Variants in HUWE1 observed in about 807,000 individuals in gnomAD.
The protein encoded by HUWE1 is HECT, UBA and WWE domain containing E3 ubiquitin protein ligase 1, also known as E3 ubiquitin-protein ligase HUWE1.
In HUWE1, 18 loss-of-function variants were observed where a neutral mutation model predicts 299.4. The observed-to-expected ratio is 0.06, with a 90% confidence interval of 0.04 to 0.09. The LOEUF (loss-of-function observed/expected upper bound fraction) is 0.09. HUWE1 is among the 10% of genes least tolerant of loss of function. The pLI is 1.00. For missense variants in HUWE1, 1,832 were observed against 3,462.3 expected (o/e 0.53, Z 11.82); for synonymous variants, 1,317 against 1,286.1 (o/e 1.02, Z -0.51).
chrX:53,560,513 C>T, intron 55 of HUWE1, 97 bp from the exon 56 acceptor site: 1 of 733,021 alleles, frequency 1.4e-6, no homozygotes, highest in Admixed American at 2.6e-5. Flanking sequence ...CTTCCTCACA[C>T]GGAAACCTGA....
In HUWE1 at chrX:53,536,259, A is replaced by C. The variant is rs782387942; in HGVS notation, c.12426-7T>G. ...ACTCTCCATATCTGTATATCTAGAA[A>C]AACACAATTATACAGGGTCATGGTT... is the stretch of plus-strand genomic sequence containing the variant. On this transcript the variant is annotated splice_region_variant and splice_polypyrimidine_tract_variant and intron_variant, in intron 79 of 83. Coordinates refer to ENST00000262854, the MANE Select transcript of HUWE1 (RefSeq NM_031407.7). The C allele has an allele frequency of 8.6e-7, 1 of 1,162,073 alleles. No homozygotes were observed. The highest frequency in any genetic ancestry group is 1.8e-5 in the African/African-American group (1 of 55,908).
chrX:53,546,438 A>G lies in HUWE1; in HGVS notation c.10913T>C (p.Ile3638Thr), dbSNP rs781790884. The G allele has an allele frequency of 1.7e-6, 2 of 1,208,513 alleles. No individual in the cohort carries two copies. Among genetic ancestry groups the G allele is most frequent in the Non-Finnish European group, 2.2e-6 (2 of 893,304 alleles). The change falls in exon 70 of 84, where the codon ATA becomes ACA. Residue 3638 changes from isoleucine (I) to threonine (T), a missense_variant and splice_region_variant. Ile to Thr is a moderately conservative substitution (Grantham distance 89). Transcript: ENST00000262854. ...AAATGCTTTACTTCTGCTATTACCT[A>G]TTTGTTTACAAAGGGTATAACCCAG... ...RHLGYTLCKQ[I>T]GTLLAELREY...
In HUWE1 at chrX:53,627,483, C is replaced by T. The variant is rs145017919; in HGVS notation, c.1416G>A (p.Pro472=). 1.9e-5 allele frequency: 23 copies of T among 1,200,779 alleles called. No homozygotes were observed. The highest frequency in any genetic ancestry group is 1.8e-4 in the African/African-American group (10 of 56,445). ...TCTGGATCTTTGGCTTGATCACAAA[C>T]GGACATTCTTTTCGGCACAAATCTA... The part of the protein sequence containing the change: ...HEVDLCRKEC[P]FVIKPKIQRP... Residue 472 remains proline, a synonymous_variant, in exon 17 of 84, where the codon CCG becomes CCA. Coordinates refer to ENST00000262854, the MANE Select transcript of HUWE1 (RefSeq NM_031407.7).
Position 53,533,087 on chromosome X carries a change from G to C in HUWE1, c.*222C>G, listed in dbSNP as rs903166492. 5 of 425,699 alleles carry C rather than the reference G, an allele frequency of 1.2e-5. No individual in the cohort carries two copies. In the East Asian group the frequency reaches 2.0e-4, roughly 17 times the overall value. The allele number at this position is 425,699 out of a possible 1,213,427, so 35.1% of individuals were successfully genotyped here. Reference sequence around the variant, plus strand: ...AACACATGGGGTGGGGATCATGGACGGCATGGAAAGGGGAGAGAAGGTGAG... The same window carrying C: ...AACACATGGGGTGGGGATCATGGACCGCATGGAAAGGGGAGAGAAGGTGAG... On this transcript the variant is annotated 3_prime_UTR_variant, in exon 84 of 84. Coordinates refer to ENST00000262854, the MANE Select transcript of HUWE1 (RefSeq NM_031407.7).
chrX:53,569,421 T>C (rs1234960418), intron 48 of HUWE1, among the ~76,000 whole-genome samples, 195 bp downstream of exon 48: 1 of 112,960 alleles, frequency 8.9e-6, no homozygotes, highest in East Asian at 2.8e-4. Flanking sequence ...TTGTTTTCTC[T>C]AGGTTTACCC....
chrX:53,597,169 G>C (rs1556985839), intron 29 of HUWE1, among the ~76,000 whole-genome samples: 1 of 111,325 alleles, frequency 9.0e-6, no homozygotes, highest in African/African-American at 3.3e-5. Flanking sequence ...GATAATTTTA[G>C]AAAGAGATTT....
rs189395270 is a variant in HUWE1, at chrX:53,599,959, A to G, written c.3163+159T>C. Among the ~76,000 whole-genome samples, 697 of 112,260 alleles carry G rather than the reference A, an allele frequency of 6.2e-3. 4 individuals carry two copies. Among genetic ancestry groups the G allele is most frequent in the African/African-American group, 0.021 (662 of 30,863 alleles). ...TCTGTATCCGTAGCAGCTAGTACAAAGCCTGTCACATAGCAGCCACTCAAC... is the reference window on the plus strand; with the variant it reads ...TCTGTATCCGTAGCAGCTAGTACAAGGCCTGTCACATAGCAGCCACTCAAC... On this transcript the variant is annotated intron_variant, in intron 29 of 83. Transcript: ENST00000262854.
intron 55 of HUWE1, among the ~76,000 whole-genome samples, chrX:53,561,061 T>C (rs782252268): frequency 1.8e-3 from 204 of 112,071 alleles, no homozygotes; most frequent in African/African-American, 6.2e-3. Flanking sequence ...AGTTATCTAA[T>C]CCAACCCATT....
Position 53,578,596 on chromosome X carries a change from T to G in HUWE1, c.5717-1529A>C, listed in dbSNP as rs1440627410. On this transcript the variant is annotated intron_variant, in intron 43 of 83. Coordinates refer to ENST00000262854, the MANE Select transcript of HUWE1 (RefSeq NM_031407.7). ...GAGGGGGGAGGGGGGGTCAGCCCCC[T>G]GCCCGGCCAGCCGCCCCGTCCGGGA... 2.6e-4 allele frequency among the ~76,000 whole-genome samples: 11 copies of G among 42,692 alleles called. No individual in the cohort carries two copies. In the South Asian group the frequency reaches 5.0e-3, roughly 19 times the overall value. The allele number at this position is 42,692 out of a possible 115,157, so 37.1% of individuals were successfully genotyped here. A position where few individuals can be genotyped will look rare whatever the true frequency, so the allele number is the denominator to read the frequency against.
intron 37 of HUWE1, 82 bp from the exon 38 acceptor site, chrX:53,586,991 G>T: frequency 1.0e-6 from 1 of 993,863 alleles, no homozygotes; most frequent in Non-Finnish European, 1.4e-6. Context: ...GATAGGGGAG[G>T]GGAACATAAG....
intron 7 of HUWE1, among the ~76,000 whole-genome samples, chrX:53,644,556 G>A (rs939178446): frequency 1.8e-5 from 2 of 111,875 alleles, no homozygotes; most frequent in Non-Finnish European, 3.8e-5. Context: ...TGAATTATAG[G>A]TGATTGACAT....
intron 3 of HUWE1, among the ~76,000 whole-genome samples, chrX:53,658,664 G>GA (rs1183160992): frequency 6.3e-4 from 67 of 107,097 alleles, no homozygotes; most frequent in Non-Finnish European, 1.0e-3. Context: ...ACATACATGC[G>GA]AAAAAAAAAA....
rs1556915395 is a variant in HUWE1, at chrX:53,538,712, AC to A, written c.11878+122del. On this transcript the variant is annotated intron_variant, in intron 76 of 83. Transcript: ENST00000262854. Reference sequence around the variant, plus strand: ...TGTGTGTATGTACACACACACACACACACACACACACACTCTCTCTCTCTCT... The same window carrying A: ...TGTGTGTATGTACACACACACACACAACACACACACACTCTCTCTCTCTCT... 34 of 637,716 alleles carry A rather than the reference AC, an allele frequency of 5.3e-5. No homozygotes were observed. In the African/African-American group the frequency reaches 7.0e-4, roughly 13 times the overall value. 52.6% of individuals were successfully genotyped at this position (637,716 alleles called of 1,213,427 possible).
In HUWE1 at chrX:53,627,763, A is replaced by G; in HGVS notation, c.1359T>C (p.Leu453=). 1.7e-6 allele frequency: 2 copies of G among 1,203,061 alleles called. No homozygotes were observed. The highest frequency in any genetic ancestry group is 1.8e-5 in the South Asian group (1 of 56,755). ...CCTCAAGTCTATAAATGAAGATAGA[A>G]AGTCCACTATGGGATTGAAAAGCTG... is the stretch of plus-strand genomic sequence containing the variant. The part of the protein sequence containing the change: ...DMAAFQSHSG[L]SIFIYRLEHE... Residue 453 remains leucine (L), a synonymous_variant, in exon 16 of 84, where the codon CTT becomes CTC. Transcript: ENST00000262854.
intron 52 of HUWE1, 72 bp from the exon 53 acceptor site, chrX:53,563,001 T>C: frequency 2.2e-6 from 2 of 899,099 alleles, no homozygotes; most frequent in South Asian, 2.0e-5. Context: ...GCGTCTAAAG[T>C]AGCTATGTAC....
intron 49 of HUWE1, among the ~76,000 whole-genome samples, chrX:53,566,091 C>A (rs2062520908): frequency 1.3e-5 from 1 of 79,065 alleles, no homozygotes; most frequent in African/African-American, 5.0e-5. Context: ...ATGTGTGAGT[C>A]TATGTATGTA....
chrX:53,607,422 T>A, intron 25 of HUWE1, 101 bp downstream of exon 25: 1 of 697,896 alleles, frequency 1.4e-6, no homozygotes, highest in Non-Finnish European at 2.2e-6. Flanking sequence ...TTATTCATTA[T>A]TTTTTAGTTG....
At chrX:53,563,600 T>C in intron 52 of HUWE1, 146 bp downstream of exon 52, 1 of 639,993 alleles carries the variant, frequency 1.6e-6, no homozygotes. Context: ...TTCTCATCTG[T>C]AAGACCGTCA....
chrX:53,610,459 G>C (rs2065389697), intron 23 of HUWE1, among the ~76,000 whole-genome samples: 1 of 111,695 alleles, frequency 9.0e-6, no homozygotes, highest in African/African-American at 3.3e-5. Context: ...TTTCCAACAG[G>C]ACTCAACTTA....
Sources: allele counts gnomAD v4.1 joint callset (sites outside exome capture counted in the v4.1 genomes callset), GRCh38; gene constraint gnomAD v4.1.1; transcripts MANE v1.5; gene names NCBI Gene and HGNC (gene_info 2026-07-23, HGNC 2026-07-21).